The following PCSK2 variants were observed in gnomAD, a reference collection of about 807,000 sequenced individuals.
The protein encoded by PCSK2 is neuroendocrine convertase 2.
A neutral mutation model predicts 69.7 loss-of-function variants in PCSK2; 14 were observed. The ratio of observed to expected loss-of-function variants is 0.20; its 90% CI spans 0.13 to 0.31. The LOEUF (loss-of-function observed/expected upper bound fraction) is 0.31. PCSK2 is among the 10% of genes least tolerant of loss of function. The pLI is 1.00. For synonymous variants in PCSK2, 307 were observed against 320.7 expected (o/e 0.96, Z 0.46); for missense variants, 544 against 842.5 (o/e 0.65, Z 4.39).
intron 6 of PCSK2, among the ~76,000 whole-genome samples, chr20:17,414,333 T>A (rs964289116): frequency 6.6e-6 from 1 of 152,012 alleles, no homozygotes; most frequent in Non-Finnish European, 1.5e-5. Context: ...ATAGACGCAT[T>A]CAAAAATGAT....
chr20:17,397,898 GCTGA>G (rs564837252), intron 5 of PCSK2, among the ~76,000 whole-genome samples: 21 of 152,154 alleles, frequency 1.4e-4, no homozygotes, highest in Non-Finnish European at 2.5e-4. Flanking sequence ...TGTTCTCAGA[GCTGA>G]CTTTTTCCAT....
At chr20:17,347,785 GACGAAAGA>G (rs1335490821) in intron 2 of PCSK2, among the ~76,000 whole-genome samples, 6 of 86,646 alleles carry the variant, frequency 6.9e-5, no homozygotes, top group Admixed American at 1.5e-4. Flanking sequence ...AAGACACATA[GACGAAAGA>G]AAGAAAGAAA....
chr20:17,285,954 C>A (rs1256952118), intron 2 of PCSK2, among the ~76,000 whole-genome samples: 1 of 152,126 alleles, frequency 6.6e-6, no homozygotes, highest in Non-Finnish European at 1.5e-5. Context: ...CCCATGTAAC[C>A]CTAACTACAG....
intron 10 of PCSK2, among the ~76,000 whole-genome samples, chr20:17,456,761 C>T (rs1446892722): frequency 6.6e-6 from 1 of 152,236 alleles, no homozygotes; most frequent in East Asian, 1.9e-4. Context: ...ATCAAATTTA[C>T]CCCTCTATCC....
intron 1 of PCSK2, among the ~76,000 whole-genome samples, chr20:17,259,186 C>G (rs991053945): frequency 2.0e-5 from 3 of 151,994 alleles, no homozygotes; most frequent in African/African-American, 7.3e-5. Flanking sequence ...CTTTCAATAG[C>G]CAATACTTTG....
chr20:17,268,149 G>A (rs1239191609), intron 2 of PCSK2, among the ~76,000 whole-genome samples: 1 of 149,898 alleles, frequency 6.7e-6, no homozygotes, highest in East Asian at 1.9e-4. Flanking sequence ...CTCTTATTTA[G>A]TTGTTGGCTA....
intron 1 of PCSK2, among the ~76,000 whole-genome samples, chr20:17,250,063 TA>T (rs1335791404): frequency 4.6e-5 from 7 of 152,230 alleles, no homozygotes; most frequent in African/African-American, 1.7e-4. Context: ...TACCCTTCTT[TA>T]TTCAGCTTCC....
At chr20:17,437,268 C>T (rs74181958) in intron 8 of PCSK2, among the ~76,000 whole-genome samples, 1 of 152,170 alleles carries the variant, frequency 6.6e-6, no homozygotes, top group Non-Finnish European at 1.5e-5. Flanking sequence ...TTTTGGGTCT[C>T]GGCGCACACA....
intron 5 of PCSK2, among the ~76,000 whole-genome samples, chr20:17,399,476 G>A (rs2031587371): frequency 6.6e-6 from 1 of 152,168 alleles, no homozygotes. Context: ...CATGACATCA[G>A]TAGAATTGAC....
chr20:17,236,644 T>G (rs1467739388), intron 1 of PCSK2, among the ~76,000 whole-genome samples: 4 of 152,204 alleles, frequency 2.6e-5, no homozygotes, highest in Non-Finnish European at 5.9e-5. Context: ...ATTCTAATGT[T>G]ACCACAAGTC....
At chr20:17,293,491 T>C (rs1274670980) in intron 2 of PCSK2, among the ~76,000 whole-genome samples, 1 of 152,240 alleles carries the variant, frequency 6.6e-6, no homozygotes, top group Non-Finnish European at 1.5e-5. Flanking sequence ...GAACATTTTT[T>C]ATGTTTCTAA....
intron 2 of PCSK2, among the ~76,000 whole-genome samples, chr20:17,347,787 C>T (rs1013045948): frequency 1.9e-4 from 9 of 48,524 alleles, no homozygotes; most frequent in Admixed American, 3.4e-4. Context: ...GACACATAGA[C>T]GAAAGAAAGA....
chr20:17,457,648 C>G (rs2032945992), intron 10 of PCSK2, among the ~76,000 whole-genome samples: 1 of 152,188 alleles, frequency 6.6e-6, no homozygotes, highest in Non-Finnish European at 1.5e-5. Flanking sequence ...AAAATTTACT[C>G]ATATCCAATG....
intron 2 of PCSK2, among the ~76,000 whole-genome samples, chr20:17,266,339 G>A (rs554695365): frequency 6.6e-6 from 1 of 152,274 alleles, no homozygotes; most frequent in Admixed American, 6.5e-5. Context: ...TAATACTTTT[G>A]ATACAAAATA....
intron 5 of PCSK2, among the ~76,000 whole-genome samples, chr20:17,404,942 T>C (rs544227210): frequency 1.3e-5 from 2 of 152,216 alleles, no homozygotes; most frequent in Non-Finnish European, 2.9e-5. Context: ...TGTGTTCCGA[T>C]ACAACTTTAC....
intron 8 of PCSK2, 92 bp downstream of exon 8, chr20:17,436,975 CTG>C: frequency 8.7e-7 from 1 of 1,150,124 alleles, no homozygotes; most frequent in East Asian, 2.6e-5. Context: ...CACTGTCACC[CTG>C]TGTGTGAGTC....
chr20:17,439,382 C>A (rs1211544074), intron 8 of PCSK2, among the ~76,000 whole-genome samples: 1 of 152,146 alleles, frequency 6.6e-6, no homozygotes, highest in African/African-American at 2.4e-5. Context: ...ACCTTGGCCT[C>A]CCGAGGTGGG....
chr20:17,480,301 C>A (rs1191818553), intron 11 of PCSK2, among the ~76,000 whole-genome samples: 1 of 150,848 alleles, frequency 6.6e-6, no homozygotes, highest in East Asian at 2.0e-4. Flanking sequence ...GCCATTTTCC[C>A]GCCTCAGCCT....
intron 4 of PCSK2, among the ~76,000 whole-genome samples, chr20:17,365,270 T>C (rs999303372): frequency 6.6e-6 from 1 of 151,836 alleles, no homozygotes; most frequent in Non-Finnish European, 1.5e-5. Context: ...GGATGAACTC[T>C]CTCCCTCAAG....
Sources: gnomAD v4.1 joint callset for allele counts (sites outside exome capture counted in the v4.1 genomes callset) on GRCh38, gnomAD v4.1.1 for gene constraint, MANE v1.5 for transcripts, NCBI Gene and HGNC (gene_info 2026-07-23, HGNC 2026-07-21) for gene names.